The following SCN8A variants were observed in gnomAD, a reference collection of about 807,000 sequenced individuals.
SCN8A encodes the protein sodium voltage-gated channel alpha subunit 8, also known as sodium channel protein type 8 subunit alpha.
Under a neutral mutation model 184.1 loss-of-function variants are expected in SCN8A, and 30 were observed. The ratio of observed to expected loss-of-function variants is 0.16; its 90% CI spans 0.12 to 0.22. The LOEUF is 0.22. Ranked by LOEUF, SCN8A falls within the 10% of genes least tolerant of loss-of-function variation. SCN8A has a pLI of 1.00. For missense variants in SCN8A, 1,057 were observed against 2,498.9 expected (o/e 0.42, Z 12.30); for synonymous variants, 852 against 907.0 (o/e 0.94, Z 1.09).
At chr12:51,608,238 C>T (rs537777562) in intron 1 of SCN8A, among the ~76,000 whole-genome samples, 1 of 152,008 alleles carries the variant, frequency 6.6e-6, no homozygotes, top group Non-Finnish European at 1.5e-5. Flanking sequence ...TCTCCATCTC[C>T]TGACCTTGTG....
chr12:51,764,989 T>G (rs776012282), intron 15 of SCN8A, among the ~76,000 whole-genome samples: 2 of 152,032 alleles, frequency 1.3e-5, no homozygotes, highest in Non-Finnish European at 2.9e-5. Flanking sequence ...TTGGCCAGGC[T>G]GGTCTCGAAC....
Position 51,595,259 on chromosome 12 carries a change from G to A in SCN8A, c.-55+3900G>A, listed in dbSNP as rs148712332. Among the ~76,000 whole-genome samples, 23 of 152,258 alleles carry A rather than the reference G, an allele frequency of 1.5e-4. No individual in the cohort carries two copies. The South Asian group carries it at 2.1e-3, about 14-fold the overall frequency. ...CTTACCCTGTAAGTTTATTAATTGC[G>A]GAAATGTATGGCAGTCTGTTAGGGC... On this transcript the variant is annotated intron_variant, in intron 1 of 26. Coordinates refer to ENST00000627620, the MANE Select transcript of SCN8A (RefSeq NM_001330260.2).
At chr12:51,641,976 T>C (rs767934943) in intron 1 of SCN8A, among the ~76,000 whole-genome samples, 1 of 152,218 alleles carries the variant, frequency 6.6e-6, no homozygotes, top group African/African-American at 2.4e-5. Context: ...AGAAGATGCA[T>C]TGGACATTCT....
At position 51,662,927 on chromosome 12, in the gene SCN8A, C is replaced by G. The variant is rs1339579428; in HGVS notation, c.110C>G (p.Pro37Arg). The G allele has an allele frequency of 1.9e-6, 3 of 1,614,024 alleles. No individual in the cohort carries two copies. The highest frequency in any genetic ancestry group is 2.5e-6 in the Non-Finnish European group (3 of 1,179,902). Residue 37 changes from proline to arginine, a missense_variant, in exon 2 of 27, where the codon CCA becomes CGA. Coordinates refer to ENST00000627620, the MANE Select transcript of SCN8A (RefSeq NM_001330260.2). The part of the protein sequence containing the change: ...RRIAESKLKK[P>R]PKADGSHRED... ...ATTGCTGAGAGCAAGCTCAAGAAACCACCAAAGGCCGATGGCAGTCATCGG... is the reference window on the plus strand; with the variant it reads ...ATTGCTGAGAGCAAGCTCAAGAAACGACCAAAGGCCGATGGCAGTCATCGG...
chr12:51,703,656 T>TTAGTG (rs1941729596), intron 9 of SCN8A, among the ~76,000 whole-genome samples: 1 of 152,200 alleles, frequency 6.6e-6, no homozygotes, highest in Non-Finnish European at 1.5e-5. Flanking sequence ...TGTAATGAAG[T>TTAGTG]TAGTGTAAGT....
chr12:51,666,849 A>G (rs763842751), intron 2 of SCN8A, among the ~76,000 whole-genome samples: 6 of 152,140 alleles, frequency 3.9e-5, no homozygotes, highest in Non-Finnish European at 8.8e-5. Flanking sequence ...TCCAGCTGGT[A>G]CTGGTTTGGC....
At chr12:51,619,213 C>T (rs868685933) in intron 1 of SCN8A, among the ~76,000 whole-genome samples, 32 of 152,102 alleles carry the variant, frequency 2.1e-4, no homozygotes, top group African/African-American at 7.7e-4. Flanking sequence ...CCAGAGAAGG[C>T]CTCGTTCTTT....
chr12:51,739,137 A>AT (rs1429662599), intron 12 of SCN8A, among the ~76,000 whole-genome samples: 3 of 151,950 alleles, frequency 2.0e-5, no homozygotes, highest in Admixed American at 1.3e-4. Context: ...TGACTTGCTG[A>AT]TTTTTTCTAC....
chr12:51,628,618 C>G (rs1940130664), intron 1 of SCN8A, among the ~76,000 whole-genome samples: 1 of 152,048 alleles, frequency 6.6e-6, no homozygotes, highest in East Asian at 1.9e-4. Context: ...GCATGCTGGC[C>G]CCAGCTGTAG....
chr12:51,701,057 G>T (rs1461091743), intron 7 of SCN8A, 87 bp from the exon 8 acceptor site: 1 of 836,116 alleles, frequency 1.2e-6, no homozygotes, highest in Admixed American at 1.9e-5. Flanking sequence ...ATAACTTTCT[G>T]CTGGGGCTAG....
chr12:51,776,332 C>T (rs1937693142), intron 20 of SCN8A, among the ~76,000 whole-genome samples: 1 of 152,194 alleles, frequency 6.6e-6, no homozygotes, highest in African/African-American at 2.4e-5. Context: ...GAGCATAGGA[C>T]AGGCATGCAG....
intron 14 of SCN8A, among the ~76,000 whole-genome samples, chr12:51,752,970 A>G (rs1942618910): frequency 6.6e-6 from 1 of 152,134 alleles, no homozygotes; most frequent in African/African-American, 2.4e-5. Context: ...TTACAGAACC[A>G]GTCTTTGATT....
chr12:51,705,232 A>G (rs899767851), intron 9 of SCN8A, among the ~76,000 whole-genome samples, 185 bp from the exon 10 acceptor site: 1 of 152,286 alleles, frequency 6.6e-6, no homozygotes, highest in East Asian at 1.9e-4. Context: ...ATATGAGTTG[A>G]GGATAAGTGA....
intron 25 of SCN8A, among the ~76,000 whole-genome samples, chr12:51,794,010 G>T (rs1938340346): frequency 6.6e-6 from 1 of 152,068 alleles, no homozygotes; most frequent in African/African-American, 2.4e-5. Flanking sequence ...GCCGGACGTG[G>T]TGGTGTGTGC....
intron 1 of SCN8A, among the ~76,000 whole-genome samples, chr12:51,655,794 T>C (rs1215515599): frequency 2.0e-5 from 3 of 152,226 alleles, no homozygotes; most frequent in Non-Finnish European, 4.4e-5. Flanking sequence ...AAGTTGCTTT[T>C]GTTGTTGCTT....
intron 12 of SCN8A, among the ~76,000 whole-genome samples, chr12:51,725,552 GTGGTTTTATCCTATTAGCAGA>G (rs2138790040): frequency 6.6e-6 from 1 of 152,170 alleles, no homozygotes; most frequent in African/African-American, 2.4e-5. Context: ...TATTCAGTAG[GTGGTTTTATCCTATTAGCAGA>G]TGAGACTCAG....
chr12:51,602,287 T>C (rs1939483854), intron 1 of SCN8A, among the ~76,000 whole-genome samples: 1 of 152,210 alleles, frequency 6.6e-6, no homozygotes. Context: ...CCCATAAATA[T>C]GTATAGTTAT....
At chr12:51,670,346 G>T (rs1262565772) in intron 2 of SCN8A, among the ~76,000 whole-genome samples, 1 of 152,160 alleles carries the variant, frequency 6.6e-6, no homozygotes, top group Non-Finnish European at 1.5e-5. Flanking sequence ...ACCATTTAAG[G>T]TCTCAATTCC....
intron 1 of SCN8A, among the ~76,000 whole-genome samples, chr12:51,617,337 T>C (rs950635176): frequency 6.6e-6 from 1 of 152,186 alleles, no homozygotes; most frequent in Non-Finnish European, 1.5e-5. Flanking sequence ...TTGGATAATT[T>C]GTGTATTTTC....
Sources: gnomAD v4.1 joint callset for allele counts (sites outside exome capture counted in the v4.1 genomes callset) on GRCh38, gnomAD v4.1.1 for gene constraint, MANE v1.5 for transcripts, NCBI Gene and HGNC (gene_info 2026-07-23, HGNC 2026-07-21) for gene names.